The following ECPAS variants were observed in gnomAD, a reference collection of about 807,000 sequenced individuals.
The protein encoded by ECPAS is Ecm29 proteasome adaptor and scaffold.
A neutral mutation model predicts 255.1 loss-of-function variants in ECPAS; 70 were observed. The ratio of observed to expected loss-of-function variants is 0.27; its 90% confidence interval spans 0.23 to 0.33. ECPAS has a LOEUF of 0.33. Ranked by LOEUF, ECPAS falls within the 10% of genes least tolerant of loss-of-function variation. The pLI, the probability that ECPAS is intolerant of heterozygous loss-of-function variation, is 1.00. For synonymous variants in ECPAS, 784 were observed against 775.0 expected (o/e 1.01, Z -0.19); for missense variants, 1,817 against 2,206.4 (o/e 0.82, Z 3.54).
intron 9 of ECPAS, among the ~76,000 whole-genome samples, chr9:111,428,702 A>G (rs1295877483): frequency 6.6e-6 from 1 of 152,164 alleles, no homozygotes; most frequent in Admixed American, 6.5e-5. Flanking sequence ...CTACACCAAA[A>G]CTTGACAAAT....
At chr9:111,430,975 A>T (rs568520529) in intron 8 of ECPAS, among the ~76,000 whole-genome samples, 85 of 152,202 alleles carry the variant, frequency 5.6e-4, no homozygotes, top group Non-Finnish European at 9.6e-4. Flanking sequence ...GCTTTACTAC[A>T]CTTGTTCAAA....
intron 1 of ECPAS, among the ~76,000 whole-genome samples, chr9:111,478,298 G>A (rs1394633030): frequency 6.6e-6 from 1 of 151,920 alleles, no homozygotes; most frequent in East Asian, 2.0e-4. Flanking sequence ...GGAGGCAGAG[G>A]TGGGTGGATC....
chr9:111,409,905 CTTCT>C lies in ECPAS; in HGVS notation c.2550+132_2550+135del, dbSNP rs1451714056. The C allele has an allele frequency of 2.5e-5, 17 of 680,964 alleles. 1 individual carries two copies. The highest frequency in any genetic ancestry group is 8.0e-5 in the South Asian group (4 of 50,060). The allele number at this position is 680,964 out of a possible 1,614,324, so 42.2% of individuals were successfully genotyped here. A position where few individuals can be genotyped will look rare whatever the true frequency, so the allele number is the denominator to read the frequency against. On this transcript the variant is annotated intron_variant, in intron 23 of 49. Transcript: ENST00000684092. ...CTCAAAAGTAAACACTTAAGACTTG[CTTCT>C]TTATCACCCATTTTTACATTAAATC... is the stretch of plus-strand genomic sequence containing the variant.
At chr9:111,379,462 G>T (rs566522590) in intron 35 of ECPAS, among the ~76,000 whole-genome samples, 3 of 152,204 alleles carry the variant, frequency 2.0e-5, no homozygotes, top group Non-Finnish European at 4.4e-5. Flanking sequence ...TTTGCTGGTG[G>T]AGGGTCCTAC....
chr9:111,428,165 T>A lies in ECPAS; in HGVS notation c.931-4A>T. On this transcript the variant is annotated splice_region_variant and splice_polypyrimidine_tract_variant and intron_variant, in intron 9 of 49. Transcript: ENST00000684092. ...ACTCTGGCTTCAGAACTGCACCCTGTTGAAAATATGCTTGATTATAACTCA... is the reference window on the plus strand; with the variant it reads ...ACTCTGGCTTCAGAACTGCACCCTGATGAAAATATGCTTGATTATAACTCA... 1 of 1,604,958 alleles carries A rather than the reference T, an allele frequency of 6.2e-7. No individual in the cohort carries two copies. The highest frequency in any genetic ancestry group is 8.5e-7 in the Non-Finnish European group (1 of 1,176,562).
In ECPAS at chr9:111,422,197, C is replaced by T. The variant is rs868405; in HGVS notation, c.1269G>A (p.Arg423=). The change falls in exon 14 of 50, where the codon CGG becomes CGA. Residue 423 remains arginine (R), a synonymous_variant. Coordinates refer to ENST00000684092, the MANE Select transcript of ECPAS (RefSeq NM_001364929.1). ...TATCCTTAGTGAATAAATGTGGCAT[C>T]CGACTGCAAAAGAATGTAAAAATAT... is the stretch of plus-strand genomic sequence containing the variant. The part of the protein sequence containing the change: ...AYSAVGKLSS[R]MPHLFTKDIA... The T allele has an allele frequency of 0.022, 36,061 of 1,612,808 alleles. 1,540 individuals are homozygous for T. Among genetic ancestry groups the T allele is most frequent in the African/African-American group, 0.15 (11,369 of 74,868 alleles).
At chr9:111,403,906 G>A (rs981393186) in intron 24 of ECPAS, among the ~76,000 whole-genome samples, 2 of 149,726 alleles carry the variant, frequency 1.3e-5, no homozygotes, top group South Asian at 2.1e-4. Context: ...ATCATATCAA[G>A]TATCTTTTCT....
At position 111,420,075 on chromosome 9, in the gene ECPAS, C is replaced by G. The variant is rs1489087497; in HGVS notation, c.1501G>C (p.Val501Leu). Residue 501 changes from valine to leucine, a missense_variant, in exon 16 of 50, where the codon GTG becomes CTG. Physicochemically the swap from Val to Leu is conservative, Grantham distance 32 (BLOSUM62 1). This residue lies in a region of ECPAS where 573 missense variants were observed against 716.2 expected (regional missense o/e 0.80). Transcript: ENST00000684092. ...GAAGGGATATGATCTGAGGGAAACA[C>G]CGTACTGGCAAATTTCACAGCCACT... The part of the protein sequence containing the change: ...RQVAVKFAST[V>L]FPSDHIPSRY... 1 of 1,612,972 alleles carries G rather than the reference C, an allele frequency of 6.2e-7. No homozygotes were observed. The highest frequency in any genetic ancestry group is 8.5e-7 in the Non-Finnish European group (1 of 1,179,362).
chr9:111,468,895 T>C (rs780679862), intron 2 of ECPAS, among the ~76,000 whole-genome samples: 1 of 152,156 alleles, frequency 6.6e-6, no homozygotes. Context: ...GAAGCCCTAG[T>C]TGGCATCTAG....
chr9:111,438,040 C>T (rs1460683569), intron 6 of ECPAS, among the ~76,000 whole-genome samples: 1 of 152,018 alleles, frequency 6.6e-6, no homozygotes, highest in African/African-American at 2.4e-5. Flanking sequence ...CATTCAATTC[C>T]TAAATTTATC....
At chr9:111,476,808 G>A (rs1343047000) in intron 1 of ECPAS, among the ~76,000 whole-genome samples, 1 of 151,994 alleles carries the variant, frequency 6.6e-6, no homozygotes, top group Non-Finnish European at 1.5e-5. Flanking sequence ...AACTACAGGC[G>A]TGTGCCACCA....
At chr9:111,365,049 T>C (rs2098118578) in intron 48 of ECPAS, among the ~76,000 whole-genome samples, 1 of 151,324 alleles carries the variant, frequency 6.6e-6, no homozygotes, top group South Asian at 2.1e-4. Flanking sequence ...GGCGGGCAGA[T>C]CACTTGAGGT....
intron 1 of ECPAS, among the ~76,000 whole-genome samples, chr9:111,480,358 C>T (rs570993162): frequency 7.2e-6 from 1 of 138,230 alleles, no homozygotes; most frequent in South Asian, 2.3e-4. Context: ...AGTGCAGCGG[C>T]ACAATCTTGG....
At chr9:111,395,069 T>C (rs974019642) in intron 25 of ECPAS, among the ~76,000 whole-genome samples, 3 of 152,204 alleles carry the variant, frequency 2.0e-5, no homozygotes, top group East Asian at 1.9e-4. Context: ...AGTCGATCTA[T>C]TGGCAGTACA....
At chr9:111,383,187 T>C (rs776146708) in intron 35 of ECPAS, 24 bp downstream of exon 35, 3 of 1,611,538 alleles carry the variant, frequency 1.9e-6, no homozygotes, top group East Asian at 4.5e-5. Flanking sequence ...ATCCAATACA[T>C]TCATTTCATC....
chr9:111,379,439 G>A (rs1054577048), intron 35 of ECPAS, among the ~76,000 whole-genome samples: 2 of 152,192 alleles, frequency 1.3e-5, no homozygotes, highest in Admixed American at 6.5e-5. Context: ...AGCTTTCAGC[G>A]AGTCATTATC....
intron 2 of ECPAS, among the ~76,000 whole-genome samples, chr9:111,461,015 G>C (rs1462653654): frequency 6.6e-6 from 1 of 151,922 alleles, no homozygotes; most frequent in Non-Finnish European, 1.5e-5. Flanking sequence ...CAATGAATGA[G>C]TGGATGAATA....
chr9:111,394,334 G>T lies in ECPAS; in HGVS notation c.2777-29C>A, dbSNP rs7870283. On this transcript the variant is annotated intron_variant, in intron 25 of 49. Coordinates refer to ENST00000684092, the MANE Select transcript of ECPAS (RefSeq NM_001364929.1). ...GGGAAAAGCAAAGAAAAATAACAAAGAATTAAAATAACTCAACATAGTTTC... is the reference window on the plus strand; with the variant it reads ...GGGAAAAGCAAAGAAAAATAACAAATAATTAAAATAACTCAACATAGTTTC... 5.4e-3 allele frequency: 7,969 copies of T among 1,480,084 alleles called. 343 individuals carry two copies. The African/African-American group carries it at 0.096, about 18-fold the overall frequency. 91.7% of individuals were successfully genotyped at this position (1,480,084 alleles called of 1,614,324 possible). A position where few individuals can be genotyped will look rare whatever the true frequency, so the allele number is the denominator to read the frequency against.
intron 37 of ECPAS, 110 bp downstream of exon 37, chr9:111,376,365 GC>G: frequency 1.2e-6 from 1 of 817,792 alleles, no homozygotes; most frequent in Non-Finnish European, 2.0e-6. Flanking sequence ...CACAACAGCT[GC>G]TTGACTCATC....
Sources: gnomAD v4.1 joint callset for allele counts (sites outside exome capture counted in the v4.1 genomes callset) on GRCh38, gnomAD v4.1.1 for gene constraint, gnomAD v4.1.1 regional missense constraint, MANE v1.5 for transcripts, NCBI Gene and HGNC (gene_info 2026-07-23, HGNC 2026-07-21) for gene names.